The following EDN1 variants were observed in gnomAD, a reference collection of about 807,000 sequenced individuals.
EDN1 encodes the protein endothelin 1, also known as endothelin-1.
A neutral mutation model predicts 21.7 loss-of-function variants in EDN1; 11 were observed. The ratio of observed to expected loss-of-function variants is 0.51; its 90% CI spans 0.32 to 0.84. EDN1 has a LOEUF of 0.84. EDN1 is among the 40% of genes least tolerant of loss of function. The pLI is 0.03. For missense variants in EDN1, 244 were observed against 262.3 expected (o/e 0.93, Z 0.48); for synonymous variants, 85 against 90.6 (o/e 0.94, Z 0.35).
chr6:12,244,454 A>G, the EDN1 span, among the ~76,000 whole-genome samples: 1 of 152,254 alleles, frequency 6.6e-6, no homozygotes, highest in South Asian at 2.1e-4. Flanking sequence ...CCAAAATTCA[A>G]AGTTTTGCTT....
chr6:12,290,339 C>T (rs1762638567), upstream of EDN1: 1 of 465,108 alleles, frequency 2.2e-6, no homozygotes, highest in East Asian at 4.3e-5. Context: ...ATATAAAAAG[C>T]CGGCAGAGAG....
the EDN1 span, among the ~76,000 whole-genome samples, chr6:12,232,126 TTATAA>T: frequency 1.1e-4 from 16 of 144,576 alleles, no homozygotes; most frequent in South Asian, 2.5e-3. Flanking sequence ...TTATATAAAA[TTATAA>T]TATAATATAA....
At chr6:12,247,203 C>A in the EDN1 span, among the ~76,000 whole-genome samples, 1 of 152,142 alleles carries the variant, frequency 6.6e-6, no homozygotes, top group Non-Finnish European at 1.5e-5. Context: ...CAGGCCACAG[C>A]ATCTACTTGG....
At chr6:12,294,970 A>C (rs1298971760) in intron 4 of EDN1, among the ~76,000 whole-genome samples, 1 of 139,036 alleles carries the variant, frequency 7.2e-6, no homozygotes, top group Non-Finnish European at 1.5e-5. Flanking sequence ...GTGCAGAGCC[A>C]ATGTCATTCC....
intron 2 of EDN1, among the ~76,000 whole-genome samples, 187 bp downstream of exon 2, chr6:12,292,696 G>T (rs1762715981): frequency 6.6e-6 from 1 of 152,132 alleles, no homozygotes; most frequent in Non-Finnish European, 1.5e-5. Context: ...CAACCAAGGG[G>T]AGGGTCTTCT....
At chr6:12,271,141 T>C in the EDN1 span, among the ~76,000 whole-genome samples, 3 of 152,156 alleles carry the variant, frequency 2.0e-5, no homozygotes, top group Non-Finnish European at 4.4e-5. Context: ...AGCCACTTTA[T>C]ATACTTTAAT....
chr6:12,293,968 C>T lies in EDN1; in HGVS notation c.261C>T (p.Ser87=), dbSNP rs764653980. The change falls in exon 3 of 5, where the codon AGC becomes AGT. Residue 87 remains serine, a synonymous_variant. Coordinates refer to ENST00000379375, the MANE Select transcript of EDN1 (RefSeq NM_001955.5). The stretch of plus-strand genomic sequence containing the variant: ...ACGTTGTTCCGTATGGACTTGGAAG[C>T]CCTAGGTCCAAGAGAGCCTTGGAGA... ...PEHVVPYGLG[S]PRSKRALENL... The T allele has an allele frequency of 1.2e-6, 2 of 1,614,158 alleles. No homozygotes were observed. Among genetic ancestry groups the T allele is most frequent in the Non-Finnish European group, 1.7e-6 (2 of 1,180,022 alleles).
the EDN1 span, among the ~76,000 whole-genome samples, chr6:12,255,347 G>GA: frequency 1.3e-5 from 2 of 151,964 alleles, no homozygotes; most frequent in Admixed American, 1.3e-4. Flanking sequence ...GATCTAAAAA[G>GA]AAAAAAATTA....
chr6:12,246,245 G>A, the EDN1 span, among the ~76,000 whole-genome samples: 3 of 152,150 alleles, frequency 2.0e-5, no homozygotes, highest in Non-Finnish European at 2.9e-5. Flanking sequence ...AAGCCACCTG[G>A]TGGGCAAGGG....
In EDN1 at chr6:12,290,528, G is replaced by C; in HGVS notation, c.-102G>C. 1.1e-6 allele frequency: 1 copy of C among 951,224 alleles called. No homozygotes were observed. 58.9% of individuals were successfully genotyped at this position (951,224 alleles called of 1,614,324 possible). On this transcript the variant is annotated 5_prime_UTR_variant, in exon 1 of 5. Transcript: ENST00000379375. ...CACTTGGGCTGAAGGATCGCTTTGA[G>C]ATCTGAGGAACCCGCAGCGCTTTGA...
the EDN1 span, among the ~76,000 whole-genome samples, chr6:12,252,225 C>A: frequency 6.6e-6 from 1 of 152,096 alleles, no homozygotes; most frequent in Non-Finnish European, 1.5e-5. Flanking sequence ...TGTAAGAGTT[C>A]TTGGTATATT....
In EDN1 at chr6:12,296,000, A is replaced by G; in HGVS notation, c.572A>G (p.His191Arg). Residue 191 changes from histidine to arginine, a missense_variant, in exon 5 of 5, where the codon CAT becomes CGT. Coordinates refer to ENST00000379375, the MANE Select transcript of EDN1 (RefSeq NM_001955.5). ...TMRNSVKSSF[H>R]DPKLKGKPSR... Reference sequence around the variant, plus strand: ...AGAAACAGCGTCAAATCATCTTTTCATGATCCCAAGCTGAAAGGCAAGCCC... The same window carrying G: ...AGAAACAGCGTCAAATCATCTTTTCGTGATCCCAAGCTGAAAGGCAAGCCC... 1.2e-6 allele frequency: 2 copies of G among 1,614,016 alleles called. No homozygotes were observed. Among genetic ancestry groups the G allele is most frequent in the Middle Eastern group, 1.6e-4 (1 of 6,062 alleles).
the EDN1 span, among the ~76,000 whole-genome samples, chr6:12,261,035 T>G: frequency 6.6e-6 from 1 of 152,200 alleles, no homozygotes; most frequent in East Asian, 1.9e-4. Context: ...AAATTGCTTC[T>G]AAGAAAATAA....
the EDN1 span, among the ~76,000 whole-genome samples, chr6:12,237,242 G>A: frequency 6.6e-6 from 1 of 152,116 alleles, no homozygotes; most frequent in South Asian, 2.1e-4. Flanking sequence ...GGACATTGGG[G>A]TTGGTTCCAA....
chr6:12,246,405 A>G, the EDN1 span, among the ~76,000 whole-genome samples: 1 of 152,108 alleles, frequency 6.6e-6, no homozygotes, highest in Non-Finnish European at 1.5e-5. Flanking sequence ...GTGAAAAACC[A>G]TTTTCCCAGA....
the EDN1 span, among the ~76,000 whole-genome samples, chr6:12,231,215 G>T: frequency 6.6e-6 from 1 of 152,158 alleles, no homozygotes; most frequent in East Asian, 1.9e-4. Flanking sequence ...GCCAGGAGTG[G>T]GTGATTGAAC....
chr6:12,251,678 C>T, the EDN1 span, among the ~76,000 whole-genome samples: 2 of 152,152 alleles, frequency 1.3e-5, no homozygotes, highest in South Asian at 2.1e-4. Flanking sequence ...CTTTTCGAAC[C>T]GATACGGCCA....
At chr6:12,232,154 A>G in the EDN1 span, among the ~76,000 whole-genome samples, 1 of 77,228 alleles carries the variant, frequency 1.3e-5, no homozygotes, top group Non-Finnish European at 3.5e-5. Context: ...AAGTGTTTAT[A>G]TTTATAATAT....
the EDN1 span, among the ~76,000 whole-genome samples, chr6:12,284,864 A>G: frequency 6.6e-6 from 1 of 152,200 alleles, no homozygotes. Flanking sequence ...TTAGCATCTC[A>G]TTCAGACACA....
Sources: allele counts gnomAD v4.1 joint callset (sites outside exome capture counted in the v4.1 genomes callset), GRCh38; gene constraint gnomAD v4.1.1; transcripts MANE v1.5; gene names NCBI Gene and HGNC (gene_info 2026-07-23, HGNC 2026-07-21).